Variants in METTL2A observed in about 807,000 individuals in gnomAD.
METTL2A encodes tRNA N(3)-cytidine methyltransferase METTL2A.
A neutral mutation model predicts 49.4 loss-of-function variants in METTL2A; 45 were observed. That is an observed-to-expected ratio of 0.91 (90% confidence interval 0.72 to 1.17). The LOEUF is 1.17. Among genes scored for constraint, METTL2A ranks in the 50% most tolerant of loss-of-function variants. The pLI is 0.00. For missense variants in METTL2A, 361 were observed against 462.2 expected, an observed-to-expected ratio of 0.78 and a Z score of 2.01; for synonymous variants, 118 against 167.5, an observed-to-expected ratio of 0.70 and a Z score of 2.28.
intron 4 of METTL2A, among the ~76,000 whole-genome samples, chr17:62,428,119 CTT>C (rs1244431015): frequency 2.0e-5 from 3 of 151,782 alleles, no homozygotes; most frequent in African/African-American, 7.2e-5. Flanking sequence ...ATTTGATTAT[CTT>C]TGTCATTTGG....
In METTL2A at chr17:62,448,771, C is replaced by G; in HGVS notation, c.*42C>G. Reference sequence around the variant, plus strand: ...ACACGATGCAAGCCCATTGTGTTTCCGGGCTTTTTTAAAAAAAAAATTGTA... The same window carrying G: ...ACACGATGCAAGCCCATTGTGTTTCGGGGCTTTTTTAAAAAAAAAATTGTA... On this transcript the variant is annotated 3_prime_UTR_variant, in exon 9 of 9. Coordinates refer to ENST00000311506, the MANE Select transcript of METTL2A (RefSeq NM_181725.4). The G allele has an allele frequency of 6.2e-7, 1 of 1,602,106 alleles. No homozygotes were observed. The highest frequency in any genetic ancestry group is 8.5e-7 in the Non-Finnish European group (1 of 1,173,504).
rs557767188 is a variant in METTL2A at position 62,449,099 on chromosome 17, T to G, written c.*370T>G. 1 of 246,234 alleles carries G rather than the reference T, an allele frequency of 4.1e-6. No homozygotes were observed. The highest frequency in any genetic ancestry group is 7.9e-6 in the Non-Finnish European group (1 of 126,258). The allele number at this position is 246,234 out of a possible 1,614,324, so 15.3% of individuals were successfully genotyped here. A position where few individuals can be genotyped will look rare whatever the true frequency, so the allele number is the denominator to read the frequency against. ...CTTTCTTTGAGATCTCAATCTGTCT[T>G]AGCATTTTGTAACTAATAACTGAAA... On this transcript the variant is annotated 3_prime_UTR_variant, in exon 9 of 9. Coordinates refer to ENST00000311506, the MANE Select transcript of METTL2A (RefSeq NM_181725.4).
At chr17:62,432,196 A>G (rs1025303708) in intron 4 of METTL2A, among the ~76,000 whole-genome samples, 2 of 152,194 alleles carry the variant, frequency 1.3e-5, no homozygotes, top group African/African-American at 4.8e-5. Context: ...GCACAAATCT[A>G]TATAGCTTTA....
Position 62,453,114 on chromosome 17 carries a change from A to G in METTL2A, c.*4385A>G, listed in dbSNP as rs986338894. Among the ~76,000 whole-genome samples the G allele has an allele frequency of 5.9e-5, 9 of 152,176 alleles. No homozygotes were observed. The highest frequency in any genetic ancestry group is 1.2e-4 in the Non-Finnish European group (8 of 68,042). On this transcript the variant is annotated 3_prime_UTR_variant, in exon 9 of 9. Coordinates refer to ENST00000311506, the MANE Select transcript of METTL2A (RefSeq NM_181725.4). ...CCTAAAGCATTTCAACACTATAGGC[A>G]CAGTTTTTATTTTATCTTTCTGGCA...
chr17:62,443,915 A>C (rs1173800153), intron 6 of METTL2A, among the ~76,000 whole-genome samples: 2 of 152,036 alleles, frequency 1.3e-5, no homozygotes, highest in African/African-American at 4.8e-5. Flanking sequence ...TAGACTTTGA[A>C]ATTTTTTTGG....
intron 7 of METTL2A, 38 bp downstream of exon 7, chr17:62,444,981 A>T (rs1567737523): frequency 6.2e-7 from 1 of 1,605,916 alleles, no homozygotes; most frequent in Middle Eastern, 1.8e-4. Context: ...ACTAGAGATC[A>T]TGTCCTTTGC....
intron 5 of METTL2A, among the ~76,000 whole-genome samples, chr17:62,436,418 G>C (rs184714711): frequency 1.3e-5 from 2 of 152,194 alleles, no homozygotes; most frequent in Admixed American, 1.3e-4. Context: ...CAGGCATGGT[G>C]GTGGGCACCT....
At chr17:62,447,394 A>G (rs2070776211) in intron 7 of METTL2A, among the ~76,000 whole-genome samples, 1 of 152,082 alleles carries the variant, frequency 6.6e-6, no homozygotes. Flanking sequence ...CACCCAGCCT[A>G]GGCAACAAGA....
chr17:62,427,326 G>A (rs1324809439), intron 3 of METTL2A, among the ~76,000 whole-genome samples: 2 of 152,112 alleles, frequency 1.3e-5, no homozygotes, highest in Non-Finnish European at 1.5e-5. Context: ...TATGTAAAAG[G>A]GCTAAGAACA....
intron 5 of METTL2A, among the ~76,000 whole-genome samples, chr17:62,439,303 A>G (rs1261249006): frequency 6.6e-6 from 1 of 150,984 alleles, no homozygotes; most frequent in East Asian, 2.0e-4. Flanking sequence ...ATGAAGTCTC[A>G]CTATGTTGCC....
intron 6 of METTL2A, among the ~76,000 whole-genome samples, chr17:62,442,817 G>A (rs1397220206): frequency 6.6e-6 from 1 of 152,146 alleles, no homozygotes; most frequent in Non-Finnish European, 1.5e-5. Flanking sequence ...AGTGTTAAAG[G>A]TCAAGGTAAG....
intron 4 of METTL2A, among the ~76,000 whole-genome samples, chr17:62,431,795 A>G (rs1440067277): frequency 2.6e-5 from 4 of 152,010 alleles, no homozygotes; most frequent in Non-Finnish European, 5.9e-5. Context: ...ATCTTGGCTC[A>G]CTGCAACCTC....
intron 3 of METTL2A, among the ~76,000 whole-genome samples, chr17:62,427,024 A>G (rs2070633117): frequency 6.6e-6 from 1 of 152,226 alleles, no homozygotes; most frequent in Non-Finnish European, 1.5e-5. Context: ...TTCTCTTCTA[A>G]TACAGTTACA....
intron 6 of METTL2A, among the ~76,000 whole-genome samples, chr17:62,444,154 A>G (rs2070753928): frequency 6.6e-6 from 1 of 152,240 alleles, no homozygotes; most frequent in African/African-American, 2.4e-5. Flanking sequence ...ATGCAGGCAG[A>G]TAAGTCACCT....
intron 2 of METTL2A, among the ~76,000 whole-genome samples, chr17:62,426,012 A>G (rs963578426): frequency 7.2e-5 from 11 of 151,826 alleles, no homozygotes; most frequent in Non-Finnish European, 1.3e-4. Context: ...AAAAAAAAAA[A>G]AAAGGCATCC....
intron 7 of METTL2A, 79 bp from the exon 8 acceptor site, chr17:62,447,622 T>C: frequency 6.5e-7 from 1 of 1,532,950 alleles, no homozygotes; most frequent in Non-Finnish European, 9.0e-7. Context: ...CAAACTGACC[T>C]CCCAGTTAAC....
intron 4 of METTL2A, among the ~76,000 whole-genome samples, chr17:62,433,833 AG>A (rs977704701): frequency 1.3e-5 from 2 of 151,632 alleles, no homozygotes; most frequent in Non-Finnish European, 2.9e-5. Context: ...AGGCCAAGGC[AG>A]GTGGATCACC....
Position 62,448,871 on chromosome 17 carries a change from A to G in METTL2A, c.*142A>G. 7.4e-7 allele frequency: 1 copy of G among 1,346,700 alleles called. No homozygotes were observed. Among genetic ancestry groups the G allele is most frequent in the Non-Finnish European group, 9.9e-7 (1 of 1,010,812 alleles). 83.4% of individuals were successfully genotyped at this position (1,346,700 alleles called of 1,614,324 possible). ...GCGGGGAGGATCCATTGAGCCCAGC[A>G]GTCCAACCTGGGCAAAATAGTGAGA... On this transcript the variant is annotated 3_prime_UTR_variant, in exon 9 of 9. Coordinates refer to ENST00000311506, the MANE Select transcript of METTL2A (RefSeq NM_181725.4).
intron 2 of METTL2A, among the ~76,000 whole-genome samples, chr17:62,424,605 G>A (rs2070610491): frequency 6.6e-6 from 1 of 152,166 alleles, no homozygotes; most frequent in Admixed American, 6.5e-5. Context: ...TGACAACTGT[G>A]TGGTCACGCG....
Sources: allele counts gnomAD v4.1 joint callset (sites outside exome capture counted in the v4.1 genomes callset), GRCh38; gene constraint gnomAD v4.1.1; transcripts MANE v1.5; gene names NCBI Gene and HGNC (gene_info 2026-07-23, HGNC 2026-07-21).